The following MTCL1 variants were observed in gnomAD, a reference collection of about 807,000 sequenced individuals.
The protein encoded by MTCL1 is microtubule crosslinking factor 1.
In MTCL1, 79 loss-of-function variants were observed where a neutral mutation model predicts 141.4. That is an observed-to-expected ratio of 0.56 (90% CI 0.47 to 0.67). The LOEUF is 0.67. MTCL1 is among the 30% of genes least tolerant of loss of function. The pLI is 0.00. For missense variants in MTCL1, 2,177 were observed against 2,113.9 expected, an observed-to-expected ratio of 1.03 and a Z score of -0.59; for synonymous variants, 914 against 875.8, an observed-to-expected ratio of 1.04 and a Z score of -0.77.
At chr18:8,770,973 A>G (rs914126207) in intron 4 of MTCL1, among the ~76,000 whole-genome samples, 1 of 152,154 alleles carries the variant, frequency 6.6e-6, no homozygotes, top group Non-Finnish European at 1.5e-5. Flanking sequence ...CTCTTATGGC[A>G]TAATATTTAG....
rs144309416 is a variant in MTCL1, at chr18:8,815,546, C to G, written c.2859+2313C>G. 8.9e-3 allele frequency among the ~76,000 whole-genome samples: 1,345 copies of G among 150,910 alleles called. 21 individuals are homozygous for G. The highest frequency in any genetic ancestry group is 0.031 in the African/African-American group (1,266 of 40,960). ...TGACGAGTTAATGGGTGCAGCACACCAGCATGGCACATGTATACATATGCA... is the reference window on the plus strand; with the variant it reads ...TGACGAGTTAATGGGTGCAGCACACGAGCATGGCACATGTATACATATGCA... On this transcript the variant is annotated intron_variant, in intron 12 of 16. Coordinates refer to ENST00000359865, the Ensembl canonical transcript of MTCL1.
Position 8,784,745 on chromosome 18 carries a change from C to T in MTCL1, c.1633C>T (p.His545Tyr), listed in dbSNP as rs765773221. ...TGGGGATGGCCTATCCCCCTTGCCC[C>T]ACCTCACAGAGTCCTCTAGCTTCCT... The change falls in exon 6 of 17, where the codon CAC becomes TAC. Residue 545 changes from histidine to tyrosine, a missense_variant. Transcript: ENST00000359865. The T allele has an allele frequency of 2.3e-5, 37 of 1,614,086 alleles. 1 individual carries two copies. Among genetic ancestry groups the T allele is most frequent in the Admixed American group, 3.3e-5 (2 of 60,012 alleles).
chr18:8,764,497 T>C (rs1044764640), intron 4 of MTCL1, among the ~76,000 whole-genome samples: 6 of 152,108 alleles, frequency 3.9e-5, no homozygotes, highest in African/African-American at 7.2e-5. Context: ...TTTGTATTTT[T>C]AGTAGAGACA....
At chr18:8,734,670 G>A (rs62085578) in intron 4 of MTCL1, among the ~76,000 whole-genome samples, 12 of 152,184 alleles carry the variant, frequency 7.9e-5, no homozygotes, top group Non-Finnish European at 1.5e-4. Context: ...TTCTTGTGCC[G>A]TCACTTTTAC....
intron 4 of MTCL1, among the ~76,000 whole-genome samples, chr18:8,750,756 A>G (rs777699749): frequency 7.9e-5 from 12 of 152,332 alleles, no homozygotes; most frequent in Non-Finnish European, 1.2e-4. Context: ...TGCAGTTATA[A>G]TCAGATTATG....
intron 4 of MTCL1, among the ~76,000 whole-genome samples, chr18:8,755,781 A>G (rs779606172): frequency 4.6e-5 from 7 of 152,244 alleles, no homozygotes; most frequent in Non-Finnish European, 8.8e-5. Context: ...GAGGTTATAC[A>G]GTAAGTTATG....
At chr18:8,818,869 A>G (rs562533508) in intron 12 of MTCL1, 94 bp from the exon 12 acceptor site, 18 of 1,246,240 alleles carry the variant, frequency 1.4e-5, no homozygotes, top group East Asian at 9.4e-5. Flanking sequence ...AAACTGACCT[A>G]TGTGTAATTG....
intron 7 of MTCL1, 114 bp downstream of exon 6, chr18:8,786,205 G>A: frequency 8.7e-7 from 1 of 1,143,766 alleles, no homozygotes; most frequent in Non-Finnish European, 1.3e-6. Context: ...GGCAGGAGGA[G>A]GTGGAACTAG....
intron 11 of MTCL1, among the ~76,000 whole-genome samples, chr18:8,807,595 G>A (rs145921497): frequency 1.4e-4 from 21 of 152,328 alleles, no homozygotes; most frequent in Non-Finnish European, 2.4e-4. Flanking sequence ...ACAGAGCCAT[G>A]TAGTGCTAGG....
intron 7 of MTCL1, among the ~76,000 whole-genome samples, chr18:8,792,582 A>G (rs961542032): frequency 5.9e-5 from 9 of 152,236 alleles, no homozygotes; most frequent in African/African-American, 2.2e-4. Flanking sequence ...CCCATGACTT[A>G]GAGAAGGAAT....
chr18:8,831,766 G>A (rs1349301081), exon 17 of MTCL1: 14 of 1,550,330 alleles, frequency 9.0e-6, no homozygotes, highest in Non-Finnish European at 1.2e-5. Flanking sequence ...GGAGCATGGT[G>A]GCGAGGAGCC....
chr18:8,760,472 T>C (rs989398140), intron 4 of MTCL1, among the ~76,000 whole-genome samples: 1 of 152,120 alleles, frequency 6.6e-6, no homozygotes, highest in African/African-American at 2.4e-5. Flanking sequence ...CCTTGAGGGG[T>C]GTGTTGTCAT....
At chr18:8,825,992 T>C (rs1403057135) in exon 15 of MTCL1, 3 of 1,602,294 alleles carry the variant, frequency 1.9e-6, no homozygotes, top group African/African-American at 1.3e-5. Context: ...GAAGGTCGCC[T>C]AGCCCCATTG....
intron 5 of MTCL1, among the ~76,000 whole-genome samples, chr18:8,783,322 T>G (rs865894892): frequency 6.6e-6 from 1 of 152,104 alleles, no homozygotes; most frequent in Admixed American, 6.5e-5. Context: ...CAACAAACTG[T>G]AGGCCTTTCA....
chr18:8,774,254 A>ATGTGTGTGTGTGTGTGTGTGTG (rs138724389), intron 4 of MTCL1, among the ~76,000 whole-genome samples: 13 of 150,016 alleles, frequency 8.7e-5, no homozygotes, highest in African/African-American at 3.2e-4. Context: ...CTCTTTTCGA[A>ATGTGTGTGTGTGTGTGTGTGTG]TGTGTGTGTG....
chr18:8,750,321 C>T (rs2096364154), intron 4 of MTCL1, among the ~76,000 whole-genome samples: 1 of 152,256 alleles, frequency 6.6e-6, no homozygotes, highest in African/African-American at 2.4e-5. Context: ...GCTGGGATTA[C>T]AGACGTGAGT....
intron 9 of MTCL1, 54 bp from the exon 9 acceptor site, chr18:8,798,043 G>C: frequency 6.6e-7 from 1 of 1,516,766 alleles, no homozygotes; most frequent in Non-Finnish European, 8.9e-7. Context: ...AAATCAGGCT[G>C]TACAGCAAAA....
intron 8 of MTCL1, 22 bp downstream of exon 7, chr18:8,793,142 A>T (rs781764607): frequency 3.7e-6 from 6 of 1,611,660 alleles, no homozygotes; most frequent in Non-Finnish European, 4.2e-6. Context: ...ACACGGACTC[A>T]GCACAACCGC....
Position 8,728,072 on chromosome 18 carries a change from A to G in MTCL1, c.357+7576A>G, listed in dbSNP as rs115550505. On this transcript the variant is annotated intron_variant, in intron 4 of 16. Transcript: ENST00000359865. Reference sequence around the variant, plus strand: ...TATTCTCCTCCTGAAGAATACAGCCATCTTAGAAAGCTTCAACTTTAATCA... The same window carrying G: ...TATTCTCCTCCTGAAGAATACAGCCGTCTTAGAAAGCTTCAACTTTAATCA... 2.8e-3 allele frequency among the ~76,000 whole-genome samples: 421 copies of G among 152,382 alleles called. 4 individuals carry two copies. Among genetic ancestry groups the G allele is most frequent in the African/African-American group, 9.6e-3 (399 of 41,598 alleles).
Sources: gnomAD v4.1 joint callset for allele counts (sites outside exome capture counted in the v4.1 genomes callset) on GRCh38, gnomAD v4.1.1 for gene constraint, MANE v1.5 for transcripts, NCBI Gene and HGNC (gene_info 2026-07-23, HGNC 2026-07-21) for gene names.